The following ABR variants were observed in gnomAD, a reference collection of about 807,000 sequenced individuals.
ABR encodes ABR activator of RhoGEF and GTPase.
A neutral mutation model predicts 107.2 loss-of-function variants in ABR; 35 were observed. The observed-to-expected ratio is 0.33, with a 90% confidence interval of 0.25 to 0.43. The LOEUF (loss-of-function observed/expected upper bound fraction) is 0.43. Among genes scored for constraint, ABR ranks in the 20% least tolerant of loss-of-function variants. The pLI, the probability that ABR is intolerant of heterozygous loss-of-function variation, is 1.00. For missense variants in ABR, 815 were observed against 1,115.2 expected (o/e 0.73, Z 3.83); for synonymous variants, 498 against 462.0 (o/e 1.08, Z -1.00).
intron 1 of ABR, among the ~76,000 whole-genome samples, chr17:1,160,283 CACA>C (rs1197785418): frequency 6.1e-5 from 1 of 16,310 alleles, no homozygotes; most frequent in East Asian, 2.8e-3. Flanking sequence ...AAAAAAAAAC[CACA>C]CACACACACA....
intron 11 of ABR, among the ~76,000 whole-genome samples, chr17:1,058,256 C>T (rs2033568430): frequency 6.6e-6 from 1 of 151,908 alleles, no homozygotes; most frequent in African/African-American, 2.4e-5. Flanking sequence ...TCTCCTGCCT[C>T]AGCCTCCTGA....
At chr17:1,138,096 G>A (rs1249714598) in intron 1 of ABR, among the ~76,000 whole-genome samples, 1 of 150,796 alleles carries the variant, frequency 6.6e-6, no homozygotes, top group East Asian at 1.9e-4. Flanking sequence ...TAGAGATGGG[G>A]TTTCAGCATG....
In ABR at chr17:1,010,759, G is replaced by A; in HGVS notation, c.2206C>T (p.Arg736Ter). The A allele has an allele frequency of 6.2e-7, 1 of 1,613,826 alleles. No homozygotes were observed. The highest frequency in any genetic ancestry group is 8.5e-7 in the Non-Finnish European group (1 of 1,180,024). The change falls in exon 20 of 23, where the codon CGA becomes TGA. Residue 736 changes from arginine to a stop codon, truncating the protein, a stop_gained. Transcript: ENST00000302538. LOFTEE classifies it high-confidence loss of function. This position sits in a 1 kb window ranked among gnomAD's most constrained non-coding sequence, Gnocchi z 4.1. ...RELPEPLLTD[R>*]LYPAFMEGIA... ...CCCTCCATGAAGGCTGGGTAGAGTC[G>A]GTCCGTGAGGAGCGGCTCGGGCAGT...
chr17:1,107,107 A>T (rs2038303500), intron 2 of ABR, among the ~76,000 whole-genome samples: 1 of 152,070 alleles, frequency 6.6e-6, no homozygotes, highest in Non-Finnish European at 1.5e-5. Flanking sequence ...GGAGCCTGGA[A>T]CTCCCCGGCA....
rs563634086 is a variant in ABR, at chr17:1,196,097, C to G, written c.838+32696G>C. On this transcript the variant is annotated intron_variant, in intron 1 of 22. Transcript: ENST00000574139. ...TGAGCCGAGATCACGACACTGCACT[C>G]CAGCCTGAGCAACAGAGCGAGATTC... is the stretch of plus-strand genomic sequence containing the variant. Among the ~76,000 whole-genome samples the G allele has an allele frequency of 5.8e-4, 87 of 148,972 alleles. 3 individuals are homozygous for G. Among genetic ancestry groups the G allele is most frequent in the Admixed American group, 1.7e-3 (26 of 14,946 alleles).
chr17:1,044,902 C>T (rs1394514407), intron 16 of ABR, among the ~76,000 whole-genome samples: 2 of 152,162 alleles, frequency 1.3e-5, no homozygotes, highest in East Asian at 1.9e-4. Context: ...ATAGCAATTG[C>T]GCTGGCCGCT....
At chr17:1,031,525 G>GCCCCCCCCC in intron 16 of ABR, 1 of 282,882 alleles carries the variant, frequency 3.5e-6, no homozygotes. Context: ...AGCCCCCGCA[G>GCCCCCCCCC]CCCCCGCAGC....
At chr17:1,170,709 T>G (rs919414188) in intron 1 of ABR, among the ~76,000 whole-genome samples, 7 of 152,152 alleles carry the variant, frequency 4.6e-5, no homozygotes, top group Middle Eastern at 3.2e-3. Flanking sequence ...GTGCTGGGAT[T>G]ACAGGCGTGA....
rs12452256 is a variant in ABR, at chr17:1,150,950, T to C, written c.62-25583A>G. On this transcript the variant is annotated intron_variant, in intron 1 of 22. Coordinates refer to ENST00000302538, the MANE Select transcript of ABR (RefSeq NM_021962.5). This position sits in a 1 kb window ranked among gnomAD's most constrained non-coding sequence, Gnocchi z 4.8. ...CTCCTGGGGGTGAGGAGGTCACGTATGCAACTTGCTGTCATCTTTCTAAAA... is the reference window on the plus strand; with the variant it reads ...CTCCTGGGGGTGAGGAGGTCACGTACGCAACTTGCTGTCATCTTTCTAAAA... Among the ~76,000 whole-genome samples, 43,930 of 151,980 alleles carry C rather than the reference T, an allele frequency of 0.29. 6,853 individuals are homozygous for C. Among genetic ancestry groups the C allele is most frequent in the Non-Finnish European group, 0.34 (22,841 of 67,938 alleles).
At chr17:1,191,413 A>G (rs1411802318), upstream of ABR, among the ~76,000 whole-genome samples, 4 of 130,060 alleles carry the variant, frequency 3.1e-5, no homozygotes, top group African/African-American at 1.2e-4. Flanking sequence ...GCTGGAGTGC[A>G]GTGGCGCAAT....
At chr17:1,026,952 C>G (rs1214793789) in intron 16 of ABR, among the ~76,000 whole-genome samples, 1 of 151,596 alleles carries the variant, frequency 6.6e-6, no homozygotes, top group Non-Finnish European at 1.5e-5. Flanking sequence ...GGCAGCTCCC[C>G]CAGACTCACA....
At chr17:1,142,478 G>C (rs575945388) in intron 1 of ABR, among the ~76,000 whole-genome samples, 1 of 151,976 alleles carries the variant, frequency 6.6e-6, no homozygotes, top group Non-Finnish European at 1.5e-5. Context: ...CCAGCTACTC[G>C]GGGGGCTGAG....
chr17:1,031,914 T>A, intron 16 of ABR: 2 of 654,050 alleles, frequency 3.1e-6, no homozygotes, highest in Non-Finnish European at 3.8e-6. Context: ...CCCTCCTCCC[T>A]CCTCCCTCCT....
intron 1 of ABR, among the ~76,000 whole-genome samples, chr17:1,227,022 G>A (rs916868921): frequency 6.6e-6 from 1 of 152,182 alleles, no homozygotes; most frequent in African/African-American, 2.4e-5. Context: ...AATGGCACCT[G>A]AAATCTAGCC....
At chr17:1,124,030 C>T (rs1204524569) in intron 2 of ABR, among the ~76,000 whole-genome samples, 1 of 152,212 alleles carries the variant, frequency 6.6e-6, no homozygotes, top group African/African-American at 2.4e-5. Context: ...CCGCTAAACT[C>T]GGCCTCGGCC....
chr17:1,128,077 C>T (rs2039673801), intron 1 of ABR, among the ~76,000 whole-genome samples: 2 of 152,224 alleles, frequency 1.3e-5, no homozygotes, highest in South Asian at 4.1e-4. Flanking sequence ...CGCAGGGGGC[C>T]TGAGGACAGG....
intron 6 of ABR, 87 bp from the exon 7 acceptor site, chr17:1,073,764 G>T: frequency 1.6e-6 from 2 of 1,242,562 alleles, no homozygotes; most frequent in Admixed American, 2.3e-5. Flanking sequence ...CCCCCCACCC[G>T]CATGCTTCCC....
chr17:1,150,248 T>C lies in ABR; in HGVS notation c.62-24881A>G, dbSNP rs576891449. Among the ~76,000 whole-genome samples the C allele has an allele frequency of 6.6e-6, 1 of 152,320 alleles. No homozygotes were observed. Among genetic ancestry groups the C allele is most frequent in the East Asian group, 1.9e-4 (1 of 5,186 alleles). On this transcript the variant is annotated intron_variant, in intron 1 of 22. Transcript: ENST00000302538. The surrounding 1 kb of genome is among the most constrained non-coding windows in gnomAD (Gnocchi z 4.8). ...CACCTGACAAAGCTCTTCATCTTGC[T>C]AAAGATAACAGAGCACTTGGCCAAG...
chr17:1,014,268 C>T (rs1426862657), intron 16 of ABR, among the ~76,000 whole-genome samples: 2 of 150,454 alleles, frequency 1.3e-5, no homozygotes, highest in South Asian at 2.1e-4. Context: ...GGTGAAACCC[C>T]GTCTCTACTA....
Sources: allele counts gnomAD v4.1 joint callset (sites outside exome capture counted in the v4.1 genomes callset), GRCh38; gene constraint gnomAD v4.1.1; non-coding constraint Gnocchi (gnomAD v3.1); transcripts MANE v1.5; gene names NCBI Gene and HGNC (gene_info 2026-07-23, HGNC 2026-07-21).